Variants in PCDHGB1 observed in about 807,000 individuals in gnomAD.
The protein encoded by PCDHGB1 is protocadherin gamma subfamily B, 1.
A neutral mutation model predicts 56.6 loss-of-function variants in PCDHGB1; 34 were observed. The observed-to-expected ratio is 0.60, with a 90% CI of 0.46 to 0.80. PCDHGB1 has a LOEUF of 0.80. PCDHGB1 is among the 30% of genes least tolerant of loss of function. The probability of loss-of-function intolerance (pLI) is 0.00; values close to 1 mark genes in which losing one functional copy is unlikely to be tolerated. For synonymous variants in PCDHGB1, 561 were observed against 505.9 expected (o/e 1.11, Z -1.46); for missense variants, 1,278 against 1,204.6 (o/e 1.06, Z -0.90).
rs750804901 is a variant in PCDHGB1, at chr5:141,476,422, C to T, written c.2410-18385C>T. ...GAGAGGAGCTGTGTGGGACACTGCC[C>T]TCTTGCACTGTAACTCTGGAGTTGG... On this transcript the variant is annotated intron_variant, in intron 1 of 3. Transcript: ENST00000523390. The surrounding 1 kb of genome is among the most constrained non-coding windows in gnomAD (Gnocchi z 7.6). The T allele has an allele frequency of 1.7e-5, 28 of 1,614,026 alleles. No homozygotes were observed. Among genetic ancestry groups the T allele is most frequent in the East Asian group, 2.2e-5 (1 of 44,860 alleles).
intron 1 of PCDHGB1, among the ~76,000 whole-genome samples, chr5:141,438,296 A>G (rs902991313): frequency 6.6e-6 from 1 of 152,034 alleles, no homozygotes; most frequent in Non-Finnish European, 1.5e-5. Context: ...CTGTATGTAA[A>G]AGAAGTTGGT....
At chr5:141,415,395 CGGCTCGCACTTT>C (rs2095864519) in intron 1 of PCDHGB1, 2 of 1,614,092 alleles carry the variant, frequency 1.2e-6, no homozygotes. Flanking sequence ...CAGGTGTGTC[CGGCTCGCACTTT>C]GTGGGCGTGG....
Position 141,491,498 on chromosome 5 carries a change from C to G in PCDHGB1, c.2410-3309C>G. Reference sequence around the variant, plus strand: ...TCCAGCCCCAACCTGCAGGTGAGCTCGGACGGCACGCTCAAGTACATGGAG... The same window carrying G: ...TCCAGCCCCAACCTGCAGGTGAGCTGGGACGGCACGCTCAAGTACATGGAG... On this transcript the variant is annotated intron_variant, in intron 1 of 3. Transcript: ENST00000523390. The surrounding 1 kb of genome is among the most constrained non-coding windows in gnomAD (Gnocchi z 6.9). The G allele has an allele frequency of 6.2e-7, 1 of 1,614,102 alleles. No homozygotes were observed. Among genetic ancestry groups the G allele is most frequent in the Non-Finnish European group, 8.5e-7 (1 of 1,180,018 alleles).
intron 1 of PCDHGB1, among the ~76,000 whole-genome samples, chr5:141,381,121 T>C (rs1490532443): frequency 6.6e-6 from 1 of 152,260 alleles, no homozygotes; most frequent in East Asian, 1.9e-4. Context: ...TTCCCTGTAT[T>C]CTGGAGCAAT....
At chr5:141,414,476 C>T (rs1242647918) in intron 1 of PCDHGB1, 1 of 1,613,802 alleles carries the variant, frequency 6.2e-7, no homozygotes, top group African/African-American at 1.3e-5. Flanking sequence ...GGGGGAAGTC[C>T]TCCTCTATCA....
rs562278000 is a variant in PCDHGB1, at chr5:141,350,982, A to C, written c.722A>C (p.Gln241Pro). The part of the protein sequence containing the change: ...DANDNAPVFS[Q>P]EVYRVSLQEN... ...AATGATAATGCTCCCGTGTTTAGCCAGGAGGTATACAGGGTTAGCCTCCAA... is the reference window on the plus strand; with the variant it reads ...AATGATAATGCTCCCGTGTTTAGCCCGGAGGTATACAGGGTTAGCCTCCAA... The change falls in exon 1 of 4, where the codon CAG becomes CCG. Residue 241 changes from glutamine to proline, a missense_variant. Gln to Pro is a moderately conservative substitution (Grantham distance 76). Coordinates refer to ENST00000523390, the MANE Select transcript of PCDHGB1 (RefSeq NM_018922.3). 1 of 1,614,086 alleles carries C rather than the reference A, an allele frequency of 6.2e-7. No individual in the cohort carries two copies. Among genetic ancestry groups the C allele is most frequent in the Admixed American group, 1.7e-5 (1 of 60,036 alleles).
At chr5:141,393,195 G>A (rs1359316660) in intron 1 of PCDHGB1, 6 of 1,613,316 alleles carry the variant, frequency 3.7e-6, no homozygotes, top group South Asian at 1.1e-5. Context: ...TGATATTAAC[G>A]ATAATAACCC....
chr5:141,482,530 CA>C (rs3074545), intron 1 of PCDHGB1, among the ~76,000 whole-genome samples: 1,133 of 76,538 alleles, frequency 0.015, 6 homozygotes, highest in Admixed American at 0.025. Flanking sequence ...GACAGACATG[CA>C]AAAAAAAAAA....
At chr5:141,364,319 A>G in intron 1 of PCDHGB1, 1 of 1,525,796 alleles carries the variant, frequency 6.6e-7, no homozygotes, top group Non-Finnish European at 8.8e-7. Context: ...AAAATTGGGC[A>G]GAGAGAAGGC....
At chr5:141,466,545 T>C (rs2099124777) in intron 1 of PCDHGB1, among the ~76,000 whole-genome samples, 1 of 152,216 alleles carries the variant, frequency 6.6e-6, no homozygotes. Flanking sequence ...AGATGGTCTT[T>C]TGCTGTGGGC....
chr5:141,404,164 G>A, intron 1 of PCDHGB1: 2 of 1,613,126 alleles, frequency 1.2e-6, no homozygotes, highest in South Asian at 2.2e-5. Context: ...ATTACAGATT[G>A]TTGACGGCCC....
chr5:141,381,826 CTTTTTTT>C (rs770630741), intron 1 of PCDHGB1, among the ~76,000 whole-genome samples: 293 of 74,292 alleles, frequency 3.9e-3, no homozygotes, highest in Middle Eastern at 0.016. Context: ...CTTTCTTCTT[CTTTTTTT>C]TTTTTTTTTT....
At chr5:141,498,467 G>C (rs535351060) in intron 2 of PCDHGB1, among the ~76,000 whole-genome samples, 1 of 152,116 alleles carries the variant, frequency 6.6e-6, no homozygotes, top group East Asian at 1.9e-4. Context: ...GTCTAACCCT[G>C]GTTCCAGCCT....
chr5:141,408,597 A>G (rs1389452276), intron 1 of PCDHGB1: 1 of 1,614,042 alleles, frequency 6.2e-7, no homozygotes, highest in Non-Finnish European at 8.5e-7. Context: ...CACGCCCCTC[A>G]ATTTGATAAA....
chr5:141,468,749 C>G (rs1237051053), intron 1 of PCDHGB1, among the ~76,000 whole-genome samples: 1 of 151,962 alleles, frequency 6.6e-6, no homozygotes, highest in Non-Finnish European at 1.5e-5. Context: ...GCCTGTAGTC[C>G]CAGCTACTCG....
rs547284271 is a variant in PCDHGB1 at position 141,489,064 on chromosome 5, C to G, written c.2410-5743C>G. On this transcript the variant is annotated intron_variant, in intron 1 of 3. Coordinates refer to ENST00000523390, the MANE Select transcript of PCDHGB1 (RefSeq NM_018922.3). This position sits in a 1 kb window ranked among gnomAD's most constrained non-coding sequence, Gnocchi z 4.5. ...TCCACTCAAATTCAGCTCCCCTCCC[C>G]CCTGCCCACCCCCGCCACTCGGTGA... 1.9e-4 allele frequency: 74 copies of G among 387,742 alleles called. No homozygotes were observed. The highest frequency in any genetic ancestry group is 1.5e-3 in the African/African-American group (70 of 47,296). The allele number at this position is 387,742 out of a possible 1,614,324, so 24.0% of individuals were successfully genotyped here. A position where few individuals can be genotyped will look rare whatever the true frequency, so the allele number is the denominator to read the frequency against.
rs748357509 is a variant in PCDHGB1 at position 141,384,447 on chromosome 5, G to A, written c.2409+31778G>A. The A allele has an allele frequency of 2.0e-5, 32 of 1,613,890 alleles. No homozygotes were observed. The African/African-American group carries it at 2.4e-4, about 12-fold the overall frequency. The stretch of plus-strand genomic sequence containing the variant: ...ACTCTGACACTGGAGTCCTGTACGC[G>A]CTGCAATCCTTTGATTATGAGCAGT... On this transcript the variant is annotated intron_variant, in intron 1 of 3. Coordinates refer to ENST00000523390, the MANE Select transcript of PCDHGB1 (RefSeq NM_018922.3).
intron 1 of PCDHGB1, chr5:141,389,865 G>A: frequency 1.2e-6 from 2 of 1,614,080 alleles, no homozygotes; most frequent in Non-Finnish European, 1.7e-6. Flanking sequence ...GTTGCACCTG[G>A]TCTTCGCCGA....
chr5:141,423,219 T>G (rs775170753), intron 1 of PCDHGB1: 4 of 1,613,752 alleles, frequency 2.5e-6, no homozygotes, highest in Non-Finnish European at 3.4e-6. Context: ...TCACCGTGGC[T>G]GTGGCCGACA....
Sources: allele counts gnomAD v4.1 joint callset (sites outside exome capture counted in the v4.1 genomes callset), GRCh38; gene constraint gnomAD v4.1.1; non-coding constraint Gnocchi (gnomAD v3.1); transcripts MANE v1.5; gene names NCBI Gene and HGNC (gene_info 2026-07-23, HGNC 2026-07-21).